BAZ2B: variants seen among roughly 807,000 people sequenced by gnomAD.
The protein encoded by BAZ2B is bromodomain adjacent to zinc finger domain 2B.
BAZ2B carries 91 observed loss-of-function variants against 246.0 expected under a neutral mutation model. The observed-to-expected ratio is 0.37, with a 90% CI of 0.31 to 0.44. The LOEUF (loss-of-function observed/expected upper bound fraction) is 0.44. Ranked by LOEUF, BAZ2B falls within the 20% of genes least tolerant of loss-of-function variation. The pLI is 1.00. For missense variants in BAZ2B, 2,332 were observed against 2,533.7 expected (o/e 0.92, Z 1.71); for synonymous variants, 855 against 860.0 (o/e 0.99, Z 0.10).
the BAZ2B span, among the ~76,000 whole-genome samples, chr2:159,705,540 C>T: frequency 6.6e-6 from 1 of 152,142 alleles, no homozygotes; most frequent in Non-Finnish European, 1.5e-5. Flanking sequence ...TTTCTAATTA[C>T]AGAATTAGCC....
the BAZ2B span, among the ~76,000 whole-genome samples, chr2:159,648,840 G>A: frequency 6.6e-6 from 1 of 152,048 alleles, no homozygotes; most frequent in Non-Finnish European, 1.5e-5. Context: ...ACCAAGGAGT[G>A]GAATAGCTGG....
the BAZ2B span, chr2:159,710,875 T>G: frequency 2.0e-5 from 3 of 152,150 alleles, no homozygotes; most frequent in African/African-American, 7.2e-5. Flanking sequence ...AGCATAATCT[T>G]GAGAAGATGT....
chr2:159,675,289 TAA>T, the BAZ2B span, among the ~76,000 whole-genome samples: 1 of 145,074 alleles, frequency 6.9e-6, no homozygotes, highest in Admixed American at 6.9e-5. Flanking sequence ...CTTCTTCAGT[TAA>T]AAAAAAAAAC....
chr2:159,484,154 C>T (rs146745948), intron 2 of BAZ2B, among the ~76,000 whole-genome samples: 124 of 152,250 alleles, frequency 8.1e-4, no homozygotes, highest in African/African-American at 2.8e-3. Flanking sequence ...CAGTCTTCCC[C>T]TACAGAATTA....
intron 2 of BAZ2B, among the ~76,000 whole-genome samples, chr2:159,549,824 C>CTTTCTTTT (rs1553710770): frequency 1.5e-5 from 2 of 131,124 alleles, no homozygotes; most frequent in Non-Finnish European, 1.7e-5. Context: ...TTTTTTCTTT[C>CTTTCTTTT]TTTTTTTTTT....
At chr2:159,499,140 T>A (rs2081449261) in intron 2 of BAZ2B, among the ~76,000 whole-genome samples, 1 of 151,774 alleles carries the variant, frequency 6.6e-6, no homozygotes, top group South Asian at 2.1e-4. Context: ...AAGCCCAACA[T>A]CCATTAGCTA....
chr2:159,452,623 T>C (rs1195762101), intron 4 of BAZ2B, among the ~76,000 whole-genome samples: 3 of 152,348 alleles, frequency 2.0e-5, no homozygotes, highest in East Asian at 3.9e-4. Context: ...GCCAAATTAA[T>C]CTATAGAAAA....
At chr2:159,582,521 C>T (rs1221030758) in intron 1 of BAZ2B, among the ~76,000 whole-genome samples, 2 of 152,086 alleles carry the variant, frequency 1.3e-5, no homozygotes, top group African/African-American at 4.8e-5. Context: ...GTAGCTGGGA[C>T]AGCAGGCCAG....
chr2:159,596,145 CT>C (rs1397560349), intron 1 of BAZ2B, among the ~76,000 whole-genome samples: 4 of 152,176 alleles, frequency 2.6e-5, no homozygotes. Flanking sequence ...AGAACGGATT[CT>C]TGTGCATTTT....
chr2:159,385,888 T>C (rs1298688963), intron 22 of BAZ2B, among the ~76,000 whole-genome samples: 2 of 152,166 alleles, frequency 1.3e-5, no homozygotes, highest in Admixed American at 6.6e-5. Flanking sequence ...CTGGAATGTA[T>C]ACTGTATTTG....
At chr2:159,595,288 G>T (rs1690426993) in intron 1 of BAZ2B, among the ~76,000 whole-genome samples, 1 of 151,894 alleles carries the variant, frequency 6.6e-6, no homozygotes, top group African/African-American at 2.4e-5. Flanking sequence ...TTTTAGTAGA[G>T]ATGGGGTTTC....
chr2:159,681,157 A>G, the BAZ2B span, among the ~76,000 whole-genome samples: 8 of 152,210 alleles, frequency 5.3e-5, no homozygotes, highest in African/African-American at 1.4e-4. Flanking sequence ...ATGTTTTACT[A>G]TAAGAGAAAA....
the BAZ2B span, among the ~76,000 whole-genome samples, chr2:159,686,488 TC>T: frequency 3.3e-5 from 5 of 151,976 alleles, no homozygotes; most frequent in Non-Finnish European, 7.3e-5. Context: ...TCACCAATAC[TC>T]CTCAAACTGT....
chr2:159,603,225 A>G (rs774347590), intron 1 of BAZ2B, among the ~76,000 whole-genome samples: 3 of 152,276 alleles, frequency 2.0e-5, no homozygotes, highest in Non-Finnish European at 4.4e-5. Flanking sequence ...ACAAGAGAAA[A>G]TGCTCATGAT....
chr2:159,588,502 A>G (rs2151681902), intron 1 of BAZ2B, among the ~76,000 whole-genome samples: 1 of 141,678 alleles, frequency 7.1e-6, no homozygotes, highest in East Asian at 2.1e-4. Context: ...CAGCCTAGGC[A>G]ACAGAGTAAG....
At position 159,593,534 on chromosome 2, in the gene BAZ2B, C is replaced by T. The variant is rs566577921; in HGVS notation, c.-46+22708G>A. ...CATTTTCACTGTGAGGCTTCAGTTA[C>T]GAGCAGTTGGCCAACGTCCAAAAAT... On this transcript the variant is annotated intron_variant, in intron 1 of 36. Coordinates refer to ENST00000392783, the MANE Select transcript of BAZ2B (RefSeq NM_013450.4). Among the ~76,000 whole-genome samples, 6 of 152,242 alleles carry T rather than the reference C, an allele frequency of 3.9e-5. No homozygotes were observed. The South Asian group carries it at 1.0e-3, about 26-fold the overall frequency.
rs184065818 is a variant in BAZ2B at position 159,412,401 on chromosome 2, T to A, written c.2611A>T (p.Asn871Tyr). 1.2e-4 allele frequency: 200 copies of A among 1,614,160 alleles called. No homozygotes were observed. Among genetic ancestry groups the A allele is most frequent in the Non-Finnish European group, 1.6e-4 (191 of 1,180,014 alleles). Residue 871 changes from asparagine to tyrosine, a missense_variant, in exon 14 of 37, where the codon AAT (asparagine) becomes TAT (tyrosine). Transcript: ENST00000392783. ...TCTAGGAATTCAGCATTGCCAACATTTGGAGGTCGACCTTTCCGACGTCTC... is the reference window on the plus strand; with the variant it reads ...TCTAGGAATTCAGCATTGCCAACATATGGAGGTCGACCTTTCCGACGTCTC... ...RMRRRKGRPP[N>Y]VGNAEFLDNA...
chr2:159,446,772 T>C lies in BAZ2B; in HGVS notation c.696+10A>G, dbSNP rs371120038. The C allele has an allele frequency of 2.1e-5, 34 of 1,593,884 alleles. No homozygotes were observed. In the African/African-American group the frequency reaches 3.5e-4, roughly 16 times the overall value. On this transcript the variant is annotated intron_variant, in intron 6 of 36. Coordinates refer to ENST00000392783, the MANE Select transcript of BAZ2B (RefSeq NM_013450.4). Reference sequence around the variant, plus strand: ...TCTGTTATATATTAGTCCTTCCAAGTACAACTTACCTTATCTTTGATTTTG... The same window carrying C: ...TCTGTTATATATTAGTCCTTCCAAGCACAACTTACCTTATCTTTGATTTTG...
intron 27 of BAZ2B, among the ~76,000 whole-genome samples, chr2:159,352,841 A>G (rs764120649): frequency 4.6e-5 from 7 of 152,120 alleles, no homozygotes; most frequent in Non-Finnish European, 7.4e-5. Flanking sequence ...TGGCCACTAC[A>G]AAACAGTGGC....
Sources: gnomAD v4.1 joint callset for allele counts (sites outside exome capture counted in the v4.1 genomes callset) on GRCh38, gnomAD v4.1.1 for gene constraint, MANE v1.5 for transcripts, NCBI Gene and HGNC (gene_info 2026-07-23, HGNC 2026-07-21) for gene names.